Variants in LRRN2 observed in about 807,000 individuals in gnomAD.
LRRN2 encodes leucine rich repeat neuronal 2, also known as leucine-rich repeat neuronal protein 2.
Under a neutral mutation model 35.7 loss-of-function variants are expected in LRRN2, and 10 were observed. The ratio of observed to expected loss-of-function variants is 0.28; its 90% CI spans 0.17 to 0.47. The LOEUF is 0.47. Among genes scored for constraint, LRRN2 ranks in the 20% least tolerant of loss-of-function variants. LRRN2 has a pLI of 0.99. For synonymous variants in LRRN2, 391 were observed against 409.6 expected (o/e 0.95, Z 0.55); for missense variants, 731 against 940.3 (o/e 0.78, Z 2.91).
chr1:204,666,088 T>C (rs989468572), intron 1 of LRRN2, among the ~76,000 whole-genome samples: 4 of 152,222 alleles, frequency 2.6e-5, no homozygotes, highest in African/African-American at 9.6e-5. Flanking sequence ...CAAAATACTA[T>C]GAAAAGATGG....
chr1:204,668,954 G>C (rs1172885150), intron 1 of LRRN2, among the ~76,000 whole-genome samples: 1 of 152,080 alleles, frequency 6.6e-6, no homozygotes, highest in Non-Finnish European at 1.5e-5. Flanking sequence ...CTCCCAAGTA[G>C]CTGGAACTAC....
intron 1 of LRRN2, among the ~76,000 whole-genome samples, chr1:204,662,287 G>A (rs1668488396): frequency 6.6e-6 from 1 of 152,188 alleles, no homozygotes; most frequent in Non-Finnish European, 1.5e-5. Flanking sequence ...GGAGAGCTAG[G>A]ATATAGTGAG....
At chr1:204,661,581 C>A (rs1272565412) in intron 1 of LRRN2, among the ~76,000 whole-genome samples, 1 of 152,154 alleles carries the variant, frequency 6.6e-6, no homozygotes, top group Non-Finnish European at 1.5e-5. Context: ...GTGCCCCACA[C>A]CCCCAAGGGT....
intron 1 of LRRN2, among the ~76,000 whole-genome samples, chr1:204,651,464 T>A (rs1571662584): frequency 6.6e-6 from 1 of 152,146 alleles, no homozygotes; most frequent in African/African-American, 2.4e-5. Flanking sequence ...CTAAACAGGG[T>A]CAGAGGAGAG....
chr1:204,641,988 A>T (rs1667988127), intron 1 of LRRN2, among the ~76,000 whole-genome samples: 1 of 152,058 alleles, frequency 6.6e-6, no homozygotes, highest in South Asian at 2.1e-4. Flanking sequence ...TGTGTTGTGT[A>T]TCTGTGCACG....
chr1:204,618,377 T>A lies in LRRN2; in HGVS notation c.1616A>T (p.Tyr539Phe). Residue 539 changes from tyrosine (Y) to phenylalanine (F), a missense_variant, in exon 2 of 2, where the codon TAT becomes TTT. Coordinates refer to ENST00000367177, the MANE Select transcript of LRRN2 (RefSeq NM_201630.2). ...GGTGACCCAAGATAGCAGGATGTGA[T>A]AGGGGTGGGTCTCCTGCACCCGGAG... ...LELRVQETHP[Y>F]HILLSWVTPP... 6.2e-7 allele frequency: 1 copy of A among 1,608,652 alleles called. No homozygotes were observed. Among genetic ancestry groups the A allele is most frequent in the Non-Finnish European group, 8.5e-7 (1 of 1,176,668 alleles).
In LRRN2 at chr1:204,619,449, T is replaced by C; in HGVS notation, c.544A>G (p.Ser182Gly). 1 of 1,614,238 alleles carries C rather than the reference T, an allele frequency of 6.2e-7. No homozygotes were observed. The highest frequency in any genetic ancestry group is 1.3e-5 in the African/African-American group (1 of 75,054). ...TTGGGCAGCATTTCAAACCAGCGGC[T>C]GTCAATGGCCCTCAGGAGGTTGGAG... ...LNSNLLRAID[S>G]RWFEMLPNLE... is the part of the protein sequence containing the mutation. The change falls in exon 2 of 2, where the codon AGC becomes GGC. Residue 182 changes from serine (S) to glycine (G), a missense_variant. By Grantham distance (56) the Ser-to-Gly change is moderately conservative (BLOSUM62 0). This residue lies in a region of LRRN2 where 246 missense variants were observed against 289.5 expected (regional missense o/e 0.85). Coordinates refer to ENST00000367177, the MANE Select transcript of LRRN2 (RefSeq NM_201630.2).
At chr1:204,647,185 A>T (rs1275694433) in intron 1 of LRRN2, among the ~76,000 whole-genome samples, 1 of 150,920 alleles carries the variant, frequency 6.6e-6, no homozygotes, top group Non-Finnish European at 1.5e-5. Flanking sequence ...TAGAAAGTTA[A>T]GGAGAAAAGA....
intron 1 of LRRN2, among the ~76,000 whole-genome samples, chr1:204,677,007 T>C (rs1668838500): frequency 6.6e-6 from 1 of 152,046 alleles, no homozygotes; most frequent in African/African-American, 2.4e-5. Flanking sequence ...GTGGACGAAA[T>C]GAGACAAATG....
rs1190834949 is a variant in LRRN2, at chr1:204,617,941, A to T, written c.2052T>A (p.Ala684=). 1 of 1,613,958 alleles carries T rather than the reference A, an allele frequency of 6.2e-7. No homozygotes were observed. Among genetic ancestry groups the T allele is most frequent in the Non-Finnish European group, 8.5e-7 (1 of 1,180,028 alleles). Residue 684 remains alanine (A), a synonymous_variant, in exon 2 of 2, where the codon GCT becomes GCA. Transcript: ENST00000367177. ...WSAPSVRVVS[A]PLVLPWNPGR... Reference sequence around the variant, plus strand: ...CTGGATTCCAGGGCAGGACGAGGGGAGCAGACACAACCCGGACAGAAGGGG... The same window carrying T: ...CTGGATTCCAGGGCAGGACGAGGGGTGCAGACACAACCCGGACAGAAGGGG...
rs568521669 is a variant in LRRN2 at position 204,675,505 on chromosome 1, C to T, written c.-227+9815G>A. On this transcript the variant is annotated intron_variant, in intron 1 of 1. Transcript: ENST00000367177. Reference sequence around the variant, plus strand: ...TAGAGGCTGCCCACAGGCCCTGGCCCATGGCCCCTTCCATCTTCAACACCA... The same window carrying T: ...TAGAGGCTGCCCACAGGCCCTGGCCTATGGCCCCTTCCATCTTCAACACCA... 3.3e-5 allele frequency among the ~76,000 whole-genome samples: 5 copies of T among 152,332 alleles called. No homozygotes were observed. In the East Asian group the frequency reaches 9.6e-4, roughly 29 times the overall value.
intron 1 of LRRN2, among the ~76,000 whole-genome samples, chr1:204,661,896 G>A (rs1668480171): frequency 1.3e-5 from 2 of 152,128 alleles, no homozygotes; most frequent in South Asian, 4.1e-4. Flanking sequence ...AGAATGCTTT[G>A]CTGCACCCCT....
At chr1:204,639,328 C>T (rs1456801623) in intron 1 of LRRN2, among the ~76,000 whole-genome samples, 1 of 152,230 alleles carries the variant, frequency 6.6e-6, no homozygotes, top group African/African-American at 2.4e-5. Context: ...GGCTCAGTTT[C>T]CTCAATTCTA....
chr1:204,651,048 A>G (rs910782340), intron 1 of LRRN2, among the ~76,000 whole-genome samples: 1 of 143,956 alleles, frequency 6.9e-6, no homozygotes, highest in Non-Finnish European at 1.5e-5. Context: ...ATCTAGTCAC[A>G]TGAGTCATTA....
intron 1 of LRRN2, among the ~76,000 whole-genome samples, chr1:204,645,271 T>C (rs1668079246): frequency 1.3e-5 from 2 of 152,132 alleles, no homozygotes; most frequent in Admixed American, 1.3e-4. Flanking sequence ...GGCCCTAGAG[T>C]AACAGTTCTT....
chr1:204,668,808 T>C lies in LRRN2; in HGVS notation c.-227+16512A>G, dbSNP rs184804682. Among the ~76,000 whole-genome samples the C allele has an allele frequency of 7.0e-3, 1,069 of 152,278 alleles. 42 individuals are homozygous for C. Among genetic ancestry groups the C allele is most frequent in the Admixed American group, 0.063 (964 of 15,300 alleles). On this transcript the variant is annotated intron_variant, in intron 1 of 1. Coordinates refer to ENST00000367177, the MANE Select transcript of LRRN2 (RefSeq NM_201630.2). ...ACACGATAATATATGTGAAAGAGTT[T>C]TGTAGGTTGTAAATAGTTTTTCTTC...
In LRRN2 at chr1:204,662,758, G is replaced by C. The variant is rs953769105; in HGVS notation, c.-227+22562C>G. Reference sequence around the variant, plus strand: ...TGGGACCTAAATACACATTTGATGAGTAACTTTGCCACAATATCTTATCTG... The same window carrying C: ...TGGGACCTAAATACACATTTGATGACTAACTTTGCCACAATATCTTATCTG... On this transcript the variant is annotated intron_variant, in intron 1 of 1. Transcript: ENST00000367177. Among the ~76,000 whole-genome samples the C allele has an allele frequency of 2.0e-5, 3 of 152,318 alleles. No homozygotes were observed. The East Asian group carries it at 5.8e-4, about 29-fold the overall frequency.
chr1:204,674,576 T>C (rs1343283480), intron 1 of LRRN2, among the ~76,000 whole-genome samples: 4 of 152,192 alleles, frequency 2.6e-5, no homozygotes, highest in South Asian at 2.1e-4. Flanking sequence ...CTCCTCTCCC[T>C]TCCCTCCCAC....
chr1:204,657,970 C>CTTTTTTTTTTT (rs56792483), intron 1 of LRRN2, among the ~76,000 whole-genome samples: 4 of 75,258 alleles, frequency 5.3e-5, no homozygotes, highest in Non-Finnish European at 7.3e-5. Flanking sequence ...GCCAATGGTT[C>CTTTTTTTTTTT]TTTTTTTTTT....
Sources: allele counts gnomAD v4.1 joint callset (sites outside exome capture counted in the v4.1 genomes callset), GRCh38; gene constraint gnomAD v4.1.1; regional missense constraint gnomAD v4.1.1; transcripts MANE v1.5; gene names NCBI Gene and HGNC (gene_info 2026-07-23, HGNC 2026-07-21).